The following CSMD1 variants were observed in gnomAD, a reference collection of about 807,000 sequenced individuals.
The protein encoded by CSMD1 is CUB and sushi domain-containing protein 1.
A neutral mutation model predicts 417.5 loss-of-function variants in CSMD1; 213 were observed. That is an observed-to-expected ratio of 0.51 (90% CI 0.46 to 0.57). The LOEUF (loss-of-function observed/expected upper bound fraction) is 0.57, where lower values mean the gene tolerates loss of function less well. CSMD1 is among the 20% of genes least tolerant of loss of function. The pLI, the probability that CSMD1 is intolerant of heterozygous loss-of-function variation, is 0.00. For synonymous variants in CSMD1, 2,862 were observed against 1,736.8 expected, an observed-to-expected ratio of 1.65 and a Z score of -16.11; for missense variants, 6,923 against 4,529.7, an observed-to-expected ratio of 1.53 and a Z score of -15.17.
intron 10 of CSMD1, among the ~76,000 whole-genome samples, chr8:3,494,385 A>C (rs142939137): frequency 5.3e-5 from 8 of 152,324 alleles, no homozygotes; most frequent in Non-Finnish European, 5.9e-5. Flanking sequence ...TGAAAGAAGA[A>C]ATGCTTCCTT....
intron 1 of CSMD1, among the ~76,000 whole-genome samples, chr8:4,789,088 A>G (rs1797559023): frequency 1.3e-5 from 2 of 152,340 alleles, no homozygotes; most frequent in African/African-American, 4.8e-5. Context: ...CACCATCCAG[A>G]AAAGGTAATC....
chr8:4,381,004 G>C (rs977668429), intron 3 of CSMD1, among the ~76,000 whole-genome samples: 1 of 152,140 alleles, frequency 6.6e-6, no homozygotes. Flanking sequence ...CTCACTGCCA[G>C]AACTCATTTC....
chr8:4,125,049 C>G (rs939231564), intron 3 of CSMD1, among the ~76,000 whole-genome samples: 19 of 151,546 alleles, frequency 1.3e-4, no homozygotes, highest in African/African-American at 4.1e-4. Flanking sequence ...TTCTCTAATT[C>G]AGCTGTAACA....
At chr8:4,414,246 G>C (rs1403532382) in intron 3 of CSMD1, among the ~76,000 whole-genome samples, 1 of 152,124 alleles carries the variant, frequency 6.6e-6, no homozygotes, top group Non-Finnish European at 1.5e-5. Flanking sequence ...GTGTCAGAGG[G>C]AAATGCCACA....
intron 3 of CSMD1, among the ~76,000 whole-genome samples, chr8:4,326,887 A>G (rs938289546): frequency 6.6e-6 from 1 of 152,204 alleles, no homozygotes; most frequent in Non-Finnish European, 1.5e-5. Context: ...ACTATTTTAC[A>G]TAGACCATGT....
At chr8:4,490,598 G>C (rs1168238655) in intron 2 of CSMD1, among the ~76,000 whole-genome samples, 4 of 152,094 alleles carry the variant, frequency 2.6e-5, no homozygotes, top group Non-Finnish European at 4.4e-5. Flanking sequence ...TCACAAACAA[G>C]AGAAAGAAAC....
intron 5 of CSMD1, among the ~76,000 whole-genome samples, chr8:3,818,141 A>C (rs764730951): frequency 8.5e-5 from 13 of 152,048 alleles, no homozygotes; most frequent in Non-Finnish European, 1.2e-4. Context: ...AGTTTCAGCT[A>C]AGGGTAGTGC....
In CSMD1 at chr8:3,681,111, C is replaced by G. The variant is rs1301223171; in HGVS notation, c.1009+27303G>C. Among the ~76,000 whole-genome samples the G allele has an allele frequency of 2.6e-5, 4 of 152,142 alleles. No homozygotes were observed. In the East Asian group the frequency reaches 7.7e-4, roughly 29 times the overall value. ...TGAATGGGCAAAAACTGGAAGCATT[C>G]CCTTTGAAAACTGGCACAAGACAGG... is the stretch of plus-strand genomic sequence containing the variant. On this transcript the variant is annotated intron_variant, in intron 7 of 69. Coordinates refer to ENST00000635120, the MANE Select transcript of CSMD1 (RefSeq NM_033225.6).
intron 2 of CSMD1, among the ~76,000 whole-genome samples, chr8:4,620,503 A>G (rs1801713922): frequency 6.6e-6 from 1 of 151,708 alleles, no homozygotes. Flanking sequence ...CCCCAAGATG[A>G]TAAAAGACAA....
chr8:3,048,810 G>T (rs1018607457), intron 50 of CSMD1, among the ~76,000 whole-genome samples: 1 of 150,888 alleles, frequency 6.6e-6, no homozygotes, highest in African/African-American at 2.4e-5. Flanking sequence ...CACAGACTAG[G>T]AAAAAAGGGT....
chr8:3,920,573 G>T (rs1243499651), intron 5 of CSMD1, among the ~76,000 whole-genome samples: 2 of 152,006 alleles, frequency 1.3e-5, no homozygotes, highest in Non-Finnish European at 2.9e-5. Flanking sequence ...AAAGAGAAAT[G>T]CTTTCAGCTT....
chr8:3,655,768 G>T (rs1361213502), intron 7 of CSMD1, among the ~76,000 whole-genome samples: 1 of 152,014 alleles, frequency 6.6e-6, no homozygotes, highest in Admixed American at 6.6e-5. Flanking sequence ...TACGGCTGTA[G>T]GAGGCAGGAA....
intron 4 of CSMD1, among the ~76,000 whole-genome samples, chr8:4,015,877 T>C (rs553257922): frequency 5.3e-5 from 8 of 152,242 alleles, no homozygotes; most frequent in African/African-American, 7.2e-5. Flanking sequence ...ATGGTTTACA[T>C]CTCATGCTTC....
chr8:3,988,977 G>C (rs1273929471), intron 5 of CSMD1, among the ~76,000 whole-genome samples: 1 of 152,166 alleles, frequency 6.6e-6, no homozygotes, highest in African/African-American at 2.4e-5. Flanking sequence ...GCTGAACATA[G>C]ACTTTTAGAA....
rs116999196 is a variant in CSMD1, at chr8:3,133,080, C to T, written c.6241+9385G>A. Among the ~76,000 whole-genome samples the T allele has an allele frequency of 6.3e-4, 96 of 152,334 alleles. No individual in the cohort carries two copies. In the East Asian group the frequency reaches 0.01, roughly 16 times the overall value. ...TAAAAGGCGTATTAGCCCAGCTCTG[C>T]GTGAGCCTGCATCCTTCCCCAGGCC... On this transcript the variant is annotated intron_variant, in intron 41 of 69. Transcript: ENST00000635120.
intron 3 of CSMD1, among the ~76,000 whole-genome samples, chr8:4,111,763 C>A (rs1321218578): frequency 6.6e-6 from 1 of 152,094 alleles, no homozygotes; most frequent in Admixed American, 6.5e-5. Context: ...ACACTGGGAA[C>A]TGTTGTGGGG....
chr8:4,254,472 A>G (rs757421566), intron 3 of CSMD1, among the ~76,000 whole-genome samples: 7 of 152,180 alleles, frequency 4.6e-5, no homozygotes, highest in Non-Finnish European at 7.3e-5. Context: ...TGCAGCTGTC[A>G]TAATGTTGTA....
At chr8:4,878,095 C>G (rs746137021) in intron 1 of CSMD1, among the ~76,000 whole-genome samples, 3 of 152,184 alleles carry the variant, frequency 2.0e-5, no homozygotes, top group East Asian at 1.9e-4. Flanking sequence ...GAGTATGTGA[C>G]CAGTAACCCT....
At chr8:3,176,964 G>T (rs564146344) in intron 37 of CSMD1, among the ~76,000 whole-genome samples, 4 of 151,864 alleles carry the variant, frequency 2.6e-5, no homozygotes, top group Non-Finnish European at 4.4e-5. Flanking sequence ...TTTTTATAGA[G>T]ATGAGGTTTT....
Sources: gnomAD v4.1 joint callset for allele counts (sites outside exome capture counted in the v4.1 genomes callset) on GRCh38, gnomAD v4.1.1 for gene constraint, MANE v1.5 for transcripts, NCBI Gene and HGNC (gene_info 2026-07-23, HGNC 2026-07-21) for gene names.